Variants in TXN observed in about 807,000 individuals in gnomAD.
TXN encodes the protein ADF.
Under a neutral mutation model 16.5 loss-of-function variants are expected in TXN, and 10 were observed. The observed-to-expected ratio is 0.61, with a 90% CI of 0.37 to 1.03. The LOEUF (loss-of-function observed/expected upper bound fraction) is 1.03, where lower values mean the gene tolerates loss of function less well. TXN is among the 50% of genes least tolerant of loss of function. The pLI is 0.01. For missense variants in TXN, 71 were observed against 122.5 expected (o/e 0.58, Z 1.98); for synonymous variants, 35 against 39.4 (o/e 0.89, Z 0.42).
Position 110,253,256 on chromosome 9 carries a change from A to C in TXN, c.25-1794T>G, listed in dbSNP as rs189233947. Among the ~76,000 whole-genome samples the C allele has an allele frequency of 4.1e-4, 62 of 152,316 alleles. No individual in the cohort carries two copies. The East Asian group carries it at 0.012, about 28-fold the overall frequency. On this transcript the variant is annotated intron_variant, in intron 1 of 4. Coordinates refer to ENST00000374517, the MANE Select transcript of TXN (RefSeq NM_003329.4). ...CTCGTTTTTGGGAAAATAATTCACA[A>C]ATGGTGTTCCTGAGAAAGGTAGGAC...
intron 3 of TXN, among the ~76,000 whole-genome samples, chr9:110,247,259 G>A (rs1837671152): frequency 6.6e-6 from 1 of 150,882 alleles, no homozygotes; most frequent in Admixed American, 6.6e-5. Flanking sequence ...GGAGGTGGAG[G>A]TTGCAGTGAG....
chr9:110,255,274 T>G (rs944987404), intron 1 of TXN, among the ~76,000 whole-genome samples: 41 of 152,224 alleles, frequency 2.7e-4, no homozygotes, highest in African/African-American at 9.4e-4. Context: ...TCTTCTACCG[T>G]TCGAGCAGTA....
At chr9:110,250,490 G>A (rs561543373) in intron 3 of TXN, among the ~76,000 whole-genome samples, 2 of 152,286 alleles carry the variant, frequency 1.3e-5, no homozygotes, top group South Asian at 4.1e-4. Context: ...ACTCCATCAA[G>A]CCTATGGATG....
intron 3 of TXN, among the ~76,000 whole-genome samples, chr9:110,247,278 G>T (rs905221697): frequency 6.7e-6 from 1 of 148,868 alleles, no homozygotes; most frequent in South Asian, 2.1e-4. Flanking sequence ...AGCAGAGATG[G>T]TACCACTGCA....
intron 3 of TXN, among the ~76,000 whole-genome samples, chr9:110,245,745 G>A (rs772357726): frequency 1.4e-5 from 2 of 143,368 alleles, no homozygotes; most frequent in African/African-American, 2.6e-5. Flanking sequence ...CACCTTCCTC[G>A]GGCTCCCAAA....
At position 110,252,698 on chromosome 9, in the gene TXN, G is replaced by A. The variant is rs529184107; in HGVS notation, c.25-1236C>T. Among the ~76,000 whole-genome samples, 68 of 151,578 alleles carry A rather than the reference G, an allele frequency of 4.5e-4. 1 individual carries two copies. The highest frequency in any genetic ancestry group is 1.6e-3 in the African/African-American group (66 of 41,438). ...TTTCACTTGTTGCCCAGGCTGGAGT[G>A]CAAAGGCCTGATCTCGGCTCACAGT... is the stretch of plus-strand genomic sequence containing the variant. On this transcript the variant is annotated intron_variant, in intron 1 of 4. Coordinates refer to ENST00000374517, the MANE Select transcript of TXN (RefSeq NM_003329.4).
At chr9:110,244,326 T>C (rs903441456) in intron 4 of TXN, 107 bp from the exon 5 acceptor site, 10 of 299,782 alleles carry the variant, frequency 3.3e-5, no homozygotes, top group Non-Finnish European at 4.8e-5. Context: ...CATATGTATA[T>C]ATATACATAT....
chr9:110,250,084 T>C (rs1192749297), intron 3 of TXN, among the ~76,000 whole-genome samples: 3 of 152,232 alleles, frequency 2.0e-5, no homozygotes, highest in Non-Finnish European at 4.4e-5. Flanking sequence ...CGATGGGTAG[T>C]GCTTAAGGTC....
intron 1 of TXN, 123 bp from the exon 2 acceptor site, chr9:110,251,585 CCAAA>C: frequency 2.8e-4 from 6 of 21,198 alleles, no homozygotes; most frequent in South Asian, 2.5e-3. Flanking sequence ...TACTTTTTAG[CCAAA>C]AAAAAAAAAA....
chr9:110,252,582 A>T (rs187610140), intron 1 of TXN, among the ~76,000 whole-genome samples: 95 of 152,322 alleles, frequency 6.2e-4, no homozygotes, highest in African/African-American at 2.3e-3. Context: ...ACTTCCCTGA[A>T]TTATTTACTA....
chr9:110,251,251 C>T (rs998588932), intron 2 of TXN, 107 bp downstream of exon 2: 7 of 794,954 alleles, frequency 8.8e-6, no homozygotes, highest in African/African-American at 3.4e-5. Flanking sequence ...CCAAAGAAAT[C>T]CCCCCACCGA....
chr9:110,251,816 C>G (rs557749427), intron 1 of TXN, among the ~76,000 whole-genome samples: 15 of 152,054 alleles, frequency 9.9e-5, no homozygotes, highest in South Asian at 2.1e-4. Flanking sequence ...AAAAATGTTT[C>G]CATGTCAAGG....
chr9:110,247,464 A>G (rs1386784255), intron 3 of TXN, among the ~76,000 whole-genome samples: 3 of 152,118 alleles, frequency 2.0e-5, no homozygotes, highest in Non-Finnish European at 1.5e-5. Context: ...TCGACAACAG[A>G]TTGCATATAT....
intron 3 of TXN, among the ~76,000 whole-genome samples, chr9:110,249,426 G>A (rs1026688250): frequency 6.6e-6 from 1 of 152,024 alleles, no homozygotes; most frequent in Non-Finnish European, 1.5e-5. Context: ...TAGGTGAAGG[G>A]GCAACCAACG....
Position 110,245,579 on chromosome 9 carries a change from T to G in TXN, c.190-736A>C, listed in dbSNP as rs1324873486. Among the ~76,000 whole-genome samples, 4 of 107,010 alleles carry G rather than the reference T, an allele frequency of 3.7e-5. No individual in the cohort carries two copies. The East Asian group carries it at 1.5e-3, about 40-fold the overall frequency. 70.2% of individuals were successfully genotyped at this position (107,010 alleles called of 152,430 possible). On this transcript the variant is annotated intron_variant, in intron 3 of 4. Coordinates refer to ENST00000374517, the MANE Select transcript of TXN (RefSeq NM_003329.4). ...CACACGCCACCACACCTGGCTAATT[T>G]TGTGTGTGTGTGTGTATATATATAC...
At chr9:110,247,821 G>A (rs538889634) in intron 3 of TXN, among the ~76,000 whole-genome samples, 1 of 152,058 alleles carries the variant, frequency 6.6e-6, no homozygotes, top group African/African-American at 2.4e-5. Context: ...CTATACAACA[G>A]GCTCAGGCAG....
chr9:110,245,646 A>ATTT (rs1268499168), intron 3 of TXN, among the ~76,000 whole-genome samples: 8 of 27,938 alleles, frequency 2.9e-4, no homozygotes, highest in Non-Finnish European at 4.2e-4. Flanking sequence ...ATATATATAT[A>ATTT]TATATATATT....
rs1837812762 is a variant in TXN, at chr9:110,256,474, A to C, written c.-39T>G. 1.9e-6 allele frequency: 3 copies of C among 1,595,292 alleles called. No individual in the cohort carries two copies. Among genetic ancestry groups the C allele is most frequent in the Non-Finnish European group, 2.6e-6 (3 of 1,170,514 alleles). On this transcript the variant is annotated 5_prime_UTR_variant, in exon 1 of 5. Transcript: ENST00000374517. The surrounding 1 kb of genome is among the most constrained non-coding windows in gnomAD (Gnocchi z 4.2). ...GTCTGACGAGCGGCTGTAAGGACCG[A>C]TGGAAATGGATCCAAAGCACCAAAC...
intron 1 of TXN, among the ~76,000 whole-genome samples, chr9:110,254,479 G>A (rs762358274): frequency 2.0e-5 from 3 of 152,208 alleles, no homozygotes; most frequent in East Asian, 1.9e-4. Context: ...CCGAGATCGC[G>A]CCACTGTACT....
Sources: gnomAD v4.1 joint callset for allele counts (sites outside exome capture counted in the v4.1 genomes callset) on GRCh38, gnomAD v4.1.1 for gene constraint, Gnocchi (gnomAD v3.1) non-coding constraint, MANE v1.5 for transcripts, NCBI Gene and HGNC (gene_info 2026-07-23, HGNC 2026-07-21) for gene names.